The following CACNA2D3 variants were observed in gnomAD, a reference collection of about 807,000 sequenced individuals.
CACNA2D3 encodes the protein voltage-dependent calcium channel subunit alpha-2/delta-3.
CACNA2D3 carries 60 observed loss-of-function variants against 160.6 expected under a neutral mutation model. The observed-to-expected ratio is 0.37, with a 90% CI of 0.30 to 0.46. The LOEUF (loss-of-function observed/expected upper bound fraction) is 0.46, where lower values mean the gene tolerates loss of function less well. Ranked by LOEUF, CACNA2D3 falls within the 20% of genes least tolerant of loss-of-function variation. The pLI, the probability that CACNA2D3 is intolerant of heterozygous loss-of-function variation, is 1.00. For synonymous variants in CACNA2D3, 558 were observed against 492.9 expected (o/e 1.13, Z -1.75); for missense variants, 1,205 against 1,365.0 (o/e 0.88, Z 1.85).
At chr3:54,924,147 G>A (rs1422576321) in intron 27 of CACNA2D3, among the ~76,000 whole-genome samples, 3 of 152,160 alleles carry the variant, frequency 2.0e-5, no homozygotes, top group African/African-American at 7.2e-5. Flanking sequence ...CAGTGACATT[G>A]GTGTTTGCTA....
chr3:54,144,227 T>C (rs1699984878), intron 2 of CACNA2D3, among the ~76,000 whole-genome samples: 1 of 152,250 alleles, frequency 6.6e-6, no homozygotes, highest in African/African-American at 2.4e-5. Context: ...ATTTGTGTTC[T>C]GGCTACAAAA....
Position 54,188,228 on chromosome 3 carries a change from AAAACAAACAAACAAAC to A in CACNA2D3, c.204+64662_204+64677del, listed in dbSNP as rs138439909. On this transcript the variant is annotated intron_variant, in intron 2 of 37. Coordinates refer to ENST00000474759, the MANE Select transcript of CACNA2D3 (RefSeq NM_018398.3). ...TATCAATTTAGAAAGGGAGAACTTA[AAAACAAACAAACAAAC>A]AAACAAACAAACAAACAAACAAACA... Among the ~76,000 whole-genome samples, 155 of 150,342 alleles carry A rather than the reference AAAACAAACAAACAAAC, an allele frequency of 1.0e-3. 2 individuals carry two copies. Among genetic ancestry groups the A allele is most frequent in the African/African-American group, 2.9e-3 (119 of 40,656 alleles).
intron 13 of CACNA2D3, among the ~76,000 whole-genome samples, chr3:54,784,642 A>T (rs186683187): frequency 2.6e-5 from 4 of 152,298 alleles, no homozygotes; most frequent in Admixed American, 2.6e-4. Context: ...TGAAAGGTGT[A>T]GGGAGTCCAG....
At chr3:54,716,705 G>A (rs1415308228) in intron 11 of CACNA2D3, among the ~76,000 whole-genome samples, 10 of 152,112 alleles carry the variant, frequency 6.6e-5, no homozygotes, top group Admixed American at 6.5e-4. Context: ...AGGAACAAAA[G>A]TAAAGGAGTT....
At chr3:54,183,962 C>G (rs2107326285) in intron 2 of CACNA2D3, among the ~76,000 whole-genome samples, 1 of 143,550 alleles carries the variant, frequency 7.0e-6, no homozygotes, top group East Asian at 2.1e-4. Context: ...AGTGGAATTA[C>G]CTTGACTGTG....
intron 13 of CACNA2D3, among the ~76,000 whole-genome samples, chr3:54,798,525 G>T (rs909661902): frequency 2.0e-5 from 3 of 152,102 alleles, no homozygotes; most frequent in African/African-American, 7.2e-5. Context: ...GACAGAGCGA[G>T]ACTCCATCTC....
chr3:54,693,289 G>A (rs1014112148), intron 11 of CACNA2D3, among the ~76,000 whole-genome samples: 7 of 152,130 alleles, frequency 4.6e-5, no homozygotes, highest in South Asian at 2.1e-4. Context: ...ACAATGAACC[G>A]CATATTCTTA....
chr3:54,429,270 T>C (rs1559478959), intron 4 of CACNA2D3, among the ~76,000 whole-genome samples: 1 of 151,598 alleles, frequency 6.6e-6, no homozygotes, highest in Non-Finnish European at 1.5e-5. Flanking sequence ...TTTAATCAAC[T>C]AAAAAAAAAT....
intron 2 of CACNA2D3, among the ~76,000 whole-genome samples, chr3:54,223,384 G>A (rs7617999): frequency 0.49 from 75,055 of 151,890 alleles, 20,250 homozygotes; most frequent in East Asian, 1. Flanking sequence ...GTAAATGTAG[G>A]AAAGGTACTA....
intron 4 of CACNA2D3, among the ~76,000 whole-genome samples, chr3:54,444,214 GCCTGTTAGAGT>G (rs569923671): frequency 1.3e-5 from 2 of 152,262 alleles, no homozygotes; most frequent in African/African-American, 4.8e-5. Context: ...TCCAAACCTG[GCCTGTTAGAGT>G]CTCCCAGGAA....
chr3:54,645,327 G>T (rs1699613482), intron 11 of CACNA2D3, among the ~76,000 whole-genome samples: 1 of 152,162 alleles, frequency 6.6e-6, no homozygotes, highest in South Asian at 2.1e-4. Flanking sequence ...CTCAACATCT[G>T]GGGATTACAA....
At chr3:54,149,919 CT>C (rs1313701260) in intron 2 of CACNA2D3, among the ~76,000 whole-genome samples, 5 of 91,756 alleles carry the variant, frequency 5.4e-5, no homozygotes, top group East Asian at 2.8e-4. Context: ...CTCTCTCTCT[CT>C]CTCTCTCTCT....
At chr3:55,010,848 A>G (rs1671504159) in intron 34 of CACNA2D3, among the ~76,000 whole-genome samples, 2 of 152,112 alleles carry the variant, frequency 1.3e-5, no homozygotes, top group African/African-American at 2.4e-5. Context: ...TCTCTTCTTT[A>G]CCATTATTGC....
chr3:54,849,800 T>C (rs907268047), intron 17 of CACNA2D3, among the ~76,000 whole-genome samples: 4 of 152,184 alleles, frequency 2.6e-5, no homozygotes, highest in Admixed American at 2.6e-4. Flanking sequence ...TGACTTAAAA[T>C]AACTCCTATT....
At chr3:54,277,693 G>C (rs1423610577) in intron 2 of CACNA2D3, among the ~76,000 whole-genome samples, 1 of 152,118 alleles carries the variant, frequency 6.6e-6, no homozygotes, top group Non-Finnish European at 1.5e-5. Context: ...GATGGGGATA[G>C]CATTGAATCT....
At chr3:54,458,782 T>G (rs145632921) in intron 4 of CACNA2D3, among the ~76,000 whole-genome samples, 41 of 102,012 alleles carry the variant, frequency 4.0e-4, no homozygotes, top group African/African-American at 1.5e-3. Context: ...TATTTTATTA[T>G]TATTATACTC....
At chr3:54,233,510 C>G (rs2107396432) in intron 2 of CACNA2D3, among the ~76,000 whole-genome samples, 1 of 152,296 alleles carries the variant, frequency 6.6e-6, no homozygotes, top group South Asian at 2.1e-4. Flanking sequence ...TAAAGGCTGC[C>G]CTACCTTTTT....
intron 17 of CACNA2D3, among the ~76,000 whole-genome samples, chr3:54,853,367 G>A (rs993394037): frequency 6.6e-6 from 1 of 152,220 alleles, no homozygotes; most frequent in African/African-American, 2.4e-5. Context: ...GATGCTGATG[G>A]TTGGATATCT....
At chr3:54,445,726 G>C (rs1190234333) in intron 4 of CACNA2D3, among the ~76,000 whole-genome samples, 1 of 152,030 alleles carries the variant, frequency 6.6e-6, no homozygotes. Context: ...TTTAGTTATA[G>C]ACATACCTTA....
Sources: allele counts gnomAD v4.1 joint callset (sites outside exome capture counted in the v4.1 genomes callset), GRCh38; gene constraint gnomAD v4.1.1; transcripts MANE v1.5; gene names NCBI Gene and HGNC (gene_info 2026-07-23, HGNC 2026-07-21).